Variants in GOLM2 observed in about 807,000 individuals in gnomAD.
GOLM2 encodes the protein protein GOLM2.
Under a neutral mutation model 55.9 loss-of-function variants are expected in GOLM2, and 26 were observed. The ratio of observed to expected loss-of-function variants is 0.47; its 90% CI spans 0.34 to 0.65. GOLM2 has a LOEUF of 0.65. Ranked by LOEUF, GOLM2 falls within the 30% of genes least tolerant of loss-of-function variation. The pLI, the probability that GOLM2 is intolerant of heterozygous loss-of-function variation, is 0.01. For missense variants in GOLM2, 486 were observed against 531.8 expected (o/e 0.91, Z 0.85); for synonymous variants, 165 against 194.6 (o/e 0.85, Z 1.27).
intron 1 of GOLM2, among the ~76,000 whole-genome samples, chr15:44,303,933 T>C (rs1216480304): frequency 6.6e-6 from 1 of 151,558 alleles, no homozygotes; most frequent in Non-Finnish European, 1.5e-5. Flanking sequence ...CAGGGTTTTG[T>C]TGGCCAAGTA....
chr15:44,303,981 C>T (rs903370573), intron 1 of GOLM2, among the ~76,000 whole-genome samples: 1 of 151,664 alleles, frequency 6.6e-6, no homozygotes, highest in Non-Finnish European at 1.5e-5. Context: ...CCGCCTGACT[C>T]GGCCTTCCAA....
intron 8 of GOLM2, among the ~76,000 whole-genome samples, chr15:44,395,872 T>C (rs1447885328): frequency 6.6e-6 from 1 of 152,054 alleles, no homozygotes; most frequent in Non-Finnish European, 1.5e-5. Flanking sequence ...AAAATAAAGC[T>C]ATCTTTATTT....
intron 9 of GOLM2, among the ~76,000 whole-genome samples, chr15:44,405,811 G>C (rs568002792): frequency 2.0e-5 from 3 of 151,918 alleles, no homozygotes; most frequent in Admixed American, 2.0e-4. Context: ...AGTAGAGATG[G>C]GGGTTTCACC....
chr15:44,344,873 G>A (rs1278522507), intron 6 of GOLM2, among the ~76,000 whole-genome samples: 1 of 150,376 alleles, frequency 6.6e-6, no homozygotes, highest in African/African-American at 2.5e-5. Flanking sequence ...TGCCTCCTGG[G>A]TTCGCGCCAT....
chr15:44,359,945 C>A (rs1235585487), intron 6 of GOLM2, among the ~76,000 whole-genome samples: 2 of 151,348 alleles, frequency 1.3e-5, no homozygotes, highest in Non-Finnish European at 3.0e-5. Flanking sequence ...TCATATCCAG[C>A]CAAACTAAGC....
At chr15:44,369,595 G>A (rs890238253) in intron 6 of GOLM2, among the ~76,000 whole-genome samples, 5 of 151,404 alleles carry the variant, frequency 3.3e-5, no homozygotes, top group Non-Finnish European at 5.9e-5. Flanking sequence ...AGGCCAAGGC[G>A]GGCGGATCGA....
chr15:44,292,332 G>A (rs1301794872), intron 1 of GOLM2, among the ~76,000 whole-genome samples: 1 of 151,240 alleles, frequency 6.6e-6, no homozygotes, highest in Non-Finnish European at 1.5e-5. Context: ...GAGTAGCTGG[G>A]ACTACAGGCG....
chr15:44,387,979 T>C (rs1329974887), intron 8 of GOLM2, among the ~76,000 whole-genome samples: 6 of 151,812 alleles, frequency 4.0e-5, no homozygotes, highest in Non-Finnish European at 8.8e-5. Context: ...GTTCTTTTTT[T>C]TGTTTTTGAG....
intron 1 of GOLM2, chr15:44,307,383 T>C (rs1384893752): frequency 6.6e-6 from 1 of 152,142 alleles, no homozygotes; most frequent in South Asian, 2.1e-4. Context: ...TGGCTAATTT[T>C]CTGTATTTTT....
rs1206556924 is a variant in GOLM2, at chr15:44,381,067, T to C, written c.1072+91T>C. ...TCATTATTCTGCTCTCTAATAAATG[T>C]ATAGTGAAGTTATATATATTTAAAG... On this transcript the variant is annotated intron_variant, in intron 8 of 9. Coordinates refer to ENST00000299957, the MANE Select transcript of GOLM2 (RefSeq NM_138423.4). 4 of 730,844 alleles carry C rather than the reference T, an allele frequency of 5.5e-6. No individual in the cohort carries two copies. In the East Asian group the frequency reaches 9.7e-5, roughly 18 times the overall value. 45.3% of individuals were successfully genotyped at this position (730,844 alleles called of 1,614,324 possible).
At chr15:44,377,178 G>A (rs2079370083) in intron 6 of GOLM2, among the ~76,000 whole-genome samples, 1 of 152,026 alleles carries the variant, frequency 6.6e-6, no homozygotes, top group Non-Finnish European at 1.5e-5. Context: ...TTTGAGACCA[G>A]CCCGGACCAC....
intron 1 of GOLM2, among the ~76,000 whole-genome samples, chr15:44,291,884 TCC>T (rs2078723199): frequency 6.6e-6 from 1 of 152,144 alleles, no homozygotes. Flanking sequence ...TGTTAGTGTA[TCC>T]TCCTCTTGGA....
At chr15:44,401,829 C>CTTT (rs754956674) in intron 8 of GOLM2, among the ~76,000 whole-genome samples, 2 of 119,694 alleles carry the variant, frequency 1.7e-5, no homozygotes, top group African/African-American at 3.0e-5. Context: ...TTCTTGATTT[C>CTTT]TTTTTTTTTT....
intron 7 of GOLM2, 91 bp from the exon 8 acceptor site, chr15:44,380,715 G>A: frequency 1.2e-6 from 1 of 851,956 alleles, no homozygotes; most frequent in Non-Finnish European, 1.6e-6. Flanking sequence ...ACAATAGTGT[G>A]TCTTAGCTTT....
intron 1 of GOLM2, among the ~76,000 whole-genome samples, chr15:44,316,833 A>T (rs1327623212): frequency 2.0e-5 from 3 of 152,056 alleles, no homozygotes; most frequent in African/African-American, 7.2e-5. Context: ...AAAAATACAA[A>T]AATTTAGCCA....
Position 44,374,560 on chromosome 15 carries a change from G to T in GOLM2, c.803-5130G>T, listed in dbSNP as rs185728356. 2.1e-3 allele frequency among the ~76,000 whole-genome samples: 321 copies of T among 152,268 alleles called. 2 individuals are homozygous for T. Among genetic ancestry groups the T allele is most frequent in the African/African-American group, 7.5e-3 (313 of 41,550 alleles). On this transcript the variant is annotated intron_variant, in intron 6 of 9. Transcript: ENST00000299957. ...ATTTATAAAGAAAGAGGTTTAATCA[G>T]CTCATGGTTCTGCGGGCTGTACAGG...
rs2078705483 is a variant in GOLM2, at chr15:44,289,488, A to G, written c.327+132A>G. On this transcript the variant is annotated intron_variant, in intron 1 of 9. Transcript: ENST00000299957. This position sits in a 1 kb window ranked among gnomAD's most constrained non-coding sequence, Gnocchi z 4.8. ...GTCCTGAAGGCTCCTTTCACCCCCAACAACCCTGTTTCTGTCAGACTTTTC... is the reference window on the plus strand; with the variant it reads ...GTCCTGAAGGCTCCTTTCACCCCCAGCAACCCTGTTTCTGTCAGACTTTTC... 1 of 796,244 alleles carries G rather than the reference A, an allele frequency of 1.3e-6. No individual in the cohort carries two copies. The highest frequency in any genetic ancestry group is 2.0e-6 in the Non-Finnish European group (1 of 512,218). The allele number at this position is 796,244 out of a possible 1,614,324, so 49.3% of individuals were successfully genotyped here. A position where few individuals can be genotyped will look rare whatever the true frequency, so the allele number is the denominator to read the frequency against.
At chr15:44,328,593 A>G in intron 2 of GOLM2, 92 bp from the exon 3 acceptor site, 1 of 699,998 alleles carries the variant, frequency 1.4e-6, no homozygotes, top group South Asian at 2.2e-5. Flanking sequence ...ATTGAGAATT[A>G]TGTATAATTA....
chr15:44,361,398 T>C (rs1271661680), intron 6 of GOLM2, among the ~76,000 whole-genome samples: 2 of 151,804 alleles, frequency 1.3e-5, no homozygotes, highest in African/African-American at 4.8e-5. Flanking sequence ...CAAACTATCA[T>C]CAGAGAATAC....
Sources: allele counts gnomAD v4.1 joint callset (sites outside exome capture counted in the v4.1 genomes callset), GRCh38; gene constraint gnomAD v4.1.1; non-coding constraint Gnocchi (gnomAD v3.1); transcripts MANE v1.5; gene names NCBI Gene and HGNC (gene_info 2026-07-23, HGNC 2026-07-21).